The following TTC7B variants were observed in gnomAD, a reference collection of about 807,000 sequenced individuals.
The protein encoded by TTC7B is tetratricopeptide repeat protein 7B.
A neutral mutation model predicts 106.8 loss-of-function variants in TTC7B; 28 were observed. That is an observed-to-expected ratio of 0.26 (90% CI 0.19 to 0.36). The LOEUF is 0.36. TTC7B is among the 10% of genes least tolerant of loss of function. The pLI, the probability that TTC7B is intolerant of heterozygous loss-of-function variation, is 1.00. For missense variants in TTC7B, 862 were observed against 1,076.4 expected (o/e 0.80, Z 2.79); for synonymous variants, 405 against 430.6 (o/e 0.94, Z 0.74).
chr14:90,536,567 C>T lies in TTC7B; in HGVS notation c.*4801G>A, dbSNP rs1889424145. On this transcript the variant is annotated 3_prime_UTR_variant, in exon 20 of 20. Coordinates refer to ENST00000328459, the MANE Select transcript of TTC7B (RefSeq NM_001010854.2). ...ATCCTTCCAGTAGCTCAGGACAAGA[C>T]CCTCACCCTCATCCCTGGCGTCTCC... is the stretch of plus-strand genomic sequence containing the variant. The T allele has an allele frequency of 6.6e-6, 1 of 152,646 alleles. No homozygotes were observed. The highest frequency in any genetic ancestry group is 1.5e-5 in the Non-Finnish European group (1 of 68,272). The allele number at this position is 152,646 out of a possible 1,614,324, so 9.5% of individuals were successfully genotyped here. A position where few individuals can be genotyped will look rare whatever the true frequency, so the allele number is the denominator to read the frequency against.
intron 3 of TTC7B, chr14:90,772,702 T>G (rs1890903704): frequency 6.6e-6 from 1 of 152,362 alleles, no homozygotes; most frequent in East Asian, 1.9e-4. Flanking sequence ...CCGGGTGCAG[T>G]GGCTCATGCC....
At chr14:90,565,853 G>A (rs766881618) in intron 19 of TTC7B, among the ~76,000 whole-genome samples, 1 of 152,148 alleles carries the variant, frequency 6.6e-6, no homozygotes, top group African/African-American at 2.4e-5. Context: ...AAAAGATGGC[G>A]GAACAGCTGG....
At chr14:90,748,495 T>G (rs1890038086) in intron 3 of TTC7B, among the ~76,000 whole-genome samples, 1 of 145,732 alleles carries the variant, frequency 6.9e-6, no homozygotes, top group South Asian at 2.2e-4. Flanking sequence ...ACATGGCTAA[T>G]TTTTTTTTTT....
chr14:90,645,959 G>T (rs962844809), intron 14 of TTC7B, among the ~76,000 whole-genome samples: 3 of 152,196 alleles, frequency 2.0e-5, no homozygotes, highest in Admixed American at 6.5e-5. Flanking sequence ...CAGGAGCAAG[G>T]CTTCATGGAG....
chr14:90,609,936 T>C (rs1010697091), intron 17 of TTC7B, among the ~76,000 whole-genome samples: 1 of 152,176 alleles, frequency 6.6e-6, no homozygotes, highest in Non-Finnish European at 1.5e-5. Flanking sequence ...TGATTTCATG[T>C]GATGGGCTGC....
intron 9 of TTC7B, among the ~76,000 whole-genome samples, chr14:90,673,356 A>C (rs1033591646): frequency 1.3e-5 from 2 of 152,206 alleles, no homozygotes; most frequent in African/African-American, 4.8e-5. Context: ...AGGAGCATGC[A>C]GGACTATTGC....
intron 17 of TTC7B, among the ~76,000 whole-genome samples, chr14:90,596,782 T>C (rs1410083815): frequency 6.6e-6 from 1 of 152,212 alleles, no homozygotes; most frequent in Non-Finnish European, 1.5e-5. Flanking sequence ...GTAGGGATTT[T>C]CAGGGACTAA....
chr14:90,620,928 T>C (rs532067471), intron 15 of TTC7B, among the ~76,000 whole-genome samples: 3 of 152,272 alleles, frequency 2.0e-5, no homozygotes, highest in Non-Finnish European at 4.4e-5. Context: ...GGAAGAACAA[T>C]GGTAGAGTGG....
At chr14:90,746,849 A>C (rs1003258620) in intron 3 of TTC7B, among the ~76,000 whole-genome samples, 1 of 152,162 alleles carries the variant, frequency 6.6e-6, no homozygotes, top group Non-Finnish European at 1.5e-5. Flanking sequence ...GAGTTTTCCA[A>C]AGGTCTTTCT....
intron 19 of TTC7B, among the ~76,000 whole-genome samples, chr14:90,555,176 C>G (rs975582521): frequency 6.6e-6 from 1 of 152,220 alleles, no homozygotes; most frequent in African/African-American, 2.4e-5. Context: ...GAAACACATT[C>G]CAACAGTCCT....
chr14:90,781,605 C>G (rs1489339213), intron 2 of TTC7B, among the ~76,000 whole-genome samples: 5 of 152,212 alleles, frequency 3.3e-5, no homozygotes, highest in African/African-American at 1.2e-4. Flanking sequence ...GCCAGACATC[C>G]TGGTGGGTCT....
intron 1 of TTC7B, among the ~76,000 whole-genome samples, chr14:90,795,921 C>G (rs573777030): frequency 6.6e-6 from 1 of 152,222 alleles, no homozygotes; most frequent in South Asian, 2.1e-4. Flanking sequence ...TCCTGATAGT[C>G]CTGGAAACAA....
intron 2 of TTC7B, among the ~76,000 whole-genome samples, chr14:90,784,433 T>C (rs908444834): frequency 2.6e-5 from 4 of 152,052 alleles, no homozygotes; most frequent in Non-Finnish European, 5.9e-5. Context: ...GGCGGGTGCC[T>C]GTAGTCCCAG....
chr14:90,645,254 A>C (rs2139883611), intron 14 of TTC7B: 1 of 152,202 alleles, frequency 6.6e-6, no homozygotes, highest in South Asian at 2.1e-4. Context: ...ACTTTTCCTC[A>C]ATGAACTTCT....
At chr14:90,689,804 T>A in intron 6 of TTC7B, 92 bp from the exon 7 acceptor site, 1 of 1,436,398 alleles carries the variant, frequency 7.0e-7, no homozygotes, top group South Asian at 1.4e-5. Flanking sequence ...ATCATCACAT[T>A]GTGCTAAGCA....
chr14:90,641,928 T>TGTGTGCGTGTGC (rs201150005), intron 15 of TTC7B, among the ~76,000 whole-genome samples: 1 of 133,274 alleles, frequency 7.5e-6, no homozygotes, highest in African/African-American at 3.4e-5. Context: ...AGCTTGTGTG[T>TGTGTGCGTGTGC]GTGTGCGTGT....
chr14:90,740,570 C>T (rs183290482), intron 4 of TTC7B, among the ~76,000 whole-genome samples: 216 of 129,622 alleles, frequency 1.7e-3, no homozygotes, highest in African/African-American at 5.8e-3. Context: ...GGTGCGATCT[C>T]GGCTCACTGC....
chr14:90,666,738 G>A (rs1184915188), intron 9 of TTC7B, among the ~76,000 whole-genome samples: 1 of 151,460 alleles, frequency 6.6e-6, no homozygotes, highest in Non-Finnish European at 1.5e-5. Flanking sequence ...CTCCAAGCAG[G>A]GAAGTCTCAG....
intron 17 of TTC7B, among the ~76,000 whole-genome samples, chr14:90,599,994 A>G (rs919735438): frequency 2.0e-5 from 3 of 152,092 alleles, no homozygotes; most frequent in African/African-American, 7.2e-5. Flanking sequence ...AACACTGCAG[A>G]CTGCTGGCAG....
Sources: gnomAD v4.1 joint callset for allele counts (sites outside exome capture counted in the v4.1 genomes callset) on GRCh38, gnomAD v4.1.1 for gene constraint, MANE v1.5 for transcripts, NCBI Gene and HGNC (gene_info 2026-07-23, HGNC 2026-07-21) for gene names.